The following LTBP1 variants were observed in gnomAD, a reference collection of about 807,000 sequenced individuals.
The protein encoded by LTBP1 is latent transforming growth factor beta binding protein 1, also known as latent-transforming growth factor beta-binding protein 1.
LTBP1 carries 129 observed loss-of-function variants against 207.6 expected under a neutral mutation model. That is an observed-to-expected ratio of 0.62 (90% CI 0.54 to 0.72). The LOEUF (loss-of-function observed/expected upper bound fraction) is 0.72, where lower values mean the gene tolerates loss of function less well. LTBP1 is among the 30% of genes least tolerant of loss of function. The pLI, the probability that LTBP1 is intolerant of heterozygous loss-of-function variation, is 0.00. For synonymous variants in LTBP1, 963 were observed against 833.7 expected, an observed-to-expected ratio of 1.16 and a Z score of -2.67; for missense variants, 2,281 against 2,217.2, an observed-to-expected ratio of 1.03 and a Z score of -0.58.
intron 3 of LTBP1, among the ~76,000 whole-genome samples, chr2:33,073,055 G>A (rs556003285): frequency 6.6e-6 from 1 of 152,252 alleles, no homozygotes; most frequent in African/African-American, 2.4e-5. Context: ...ATGGTGTTTC[G>A]GTTGGCATTC....
intron 3 of LTBP1, among the ~76,000 whole-genome samples, chr2:33,021,874 G>T (rs59045998): frequency 0.071 from 10,832 of 152,178 alleles, 430 homozygotes; most frequent in Middle Eastern, 0.1. Flanking sequence ...CGTTCTCTGA[G>T]TTGCATTACA....
intron 5 of LTBP1, among the ~76,000 whole-genome samples, chr2:33,184,506 A>T (rs192142144): frequency 8.5e-5 from 13 of 152,292 alleles, no homozygotes; most frequent in African/African-American, 2.9e-4. Flanking sequence ...AATCTTGACC[A>T]GTTTCAAAAA....
intron 2 of LTBP1, among the ~76,000 whole-genome samples, chr2:33,004,893 G>A (rs191872976): frequency 6.7e-6 from 1 of 149,926 alleles, no homozygotes; most frequent in East Asian, 2.0e-4. Context: ...TGGTAACTTG[G>A]CCAGGAAATC....
intron 2 of LTBP1, among the ~76,000 whole-genome samples, chr2:32,954,366 G>A (rs1030673742): frequency 3.3e-5 from 5 of 152,180 alleles, no homozygotes; most frequent in African/African-American, 1.2e-4. Context: ...GAAGTCCAAT[G>A]TCAAGGTGTT....
At chr2:33,362,907 G>A (rs2094942877) in intron 28 of LTBP1, among the ~76,000 whole-genome samples, 1 of 152,044 alleles carries the variant, frequency 6.6e-6, no homozygotes, top group African/African-American at 2.4e-5. Flanking sequence ...ATTCTGTGGG[G>A]GAATGGGTCT....
At chr2:33,177,156 G>C (rs1483028350) in intron 5 of LTBP1, among the ~76,000 whole-genome samples, 1 of 152,140 alleles carries the variant, frequency 6.6e-6, no homozygotes, top group Admixed American at 6.5e-5. Context: ...TCTATGCTCT[G>C]TATTCTCCCC....
At chr2:32,948,756 T>G in intron 1 of LTBP1, 119 bp from the exon 2 acceptor site, 1 of 928,430 alleles carries the variant, frequency 1.1e-6, no homozygotes, top group Non-Finnish European at 1.8e-6. Context: ...GTTAGGACTC[T>G]CTCTCATCCA....
chr2:33,125,976 T>C (rs934263629), intron 4 of LTBP1, among the ~76,000 whole-genome samples: 1 of 152,182 alleles, frequency 6.6e-6, no homozygotes, highest in African/African-American at 2.4e-5. Flanking sequence ...AGGGTATCAG[T>C]AAGAGCTGCA....
In LTBP1 at chr2:32,965,268, T is replaced by A. The variant is rs554859793; in HGVS notation, c.565+16323T>A. On this transcript the variant is annotated intron_variant, in intron 2 of 33. Coordinates refer to ENST00000404816, the MANE Select transcript of LTBP1 (RefSeq NM_206943.4). ...ATTCCTATATACCTTTGACCCCACA[T>A]ACACACAACCTCTCCCACCATCAAA... Among the ~76,000 whole-genome samples the A allele has an allele frequency of 1.1e-4, 16 of 152,204 alleles. No homozygotes were observed. The South Asian group carries it at 3.3e-3, about 32-fold the overall frequency.
intron 3 of LTBP1, among the ~76,000 whole-genome samples, chr2:33,090,404 C>T (rs553941161): frequency 8.5e-5 from 13 of 152,260 alleles, no homozygotes; most frequent in East Asian, 1.9e-4. Flanking sequence ...AATCTGTCTT[C>T]GCGCTTGTGA....
chr2:32,948,137 G>A (rs969588003), intron 1 of LTBP1, among the ~76,000 whole-genome samples: 1 of 152,218 alleles, frequency 6.6e-6, no homozygotes, highest in African/African-American at 2.4e-5. Flanking sequence ...TAAACTTGAG[G>A]TCACTACAGT....
chr2:33,288,973 A>C (rs2148763446), intron 19 of LTBP1, among the ~76,000 whole-genome samples: 1 of 152,354 alleles, frequency 6.6e-6, no homozygotes, highest in East Asian at 1.9e-4. Context: ...ATGAGATGAA[A>C]CATTTTAAAA....
intron 7 of LTBP1, among the ~76,000 whole-genome samples, chr2:33,215,716 G>GTTTTTTTTT (rs1287189048): frequency 1.4e-5 from 2 of 139,050 alleles, no homozygotes; most frequent in African/African-American, 5.4e-5. Flanking sequence ...GTTTTCTTTT[G>GTTTTTTTTT]TTTTTTGTTT....
chr2:33,284,755 TAGTTCCCTGAATTTAGAC>T (rs569720507), intron 19 of LTBP1, among the ~76,000 whole-genome samples: 104 of 152,322 alleles, frequency 6.8e-4, no homozygotes, highest in African/African-American at 2.3e-3. Context: ...GTAGAGATCT[TAGTTCCCTGAATTTAGAC>T]AGAGTTTGGG....
Position 33,398,174 on chromosome 2 carries a change from C to T in LTBP1, c.4985-190C>T, listed in dbSNP as rs117761459. ...TTGCTAGATAACAGTGAAAGAAGTT[C>T]TAGAACCTCCCTGATAATCTGCCTC... On this transcript the variant is annotated intron_variant, in intron 33 of 33. Coordinates refer to ENST00000404816, the MANE Select transcript of LTBP1 (RefSeq NM_206943.4). Among the ~76,000 whole-genome samples the T allele has an allele frequency of 1.9e-3, 285 of 152,322 alleles. 12 individuals carry two copies. The East Asian group carries it at 0.046, about 25-fold the overall frequency.
chr2:32,968,061 G>A (rs1417644325), intron 2 of LTBP1, among the ~76,000 whole-genome samples: 2 of 152,176 alleles, frequency 1.3e-5, no homozygotes, highest in African/African-American at 4.8e-5. Flanking sequence ...TCTGTCTCCT[G>A]GTTTCAGGTG....
intron 4 of LTBP1, among the ~76,000 whole-genome samples, chr2:33,127,754 C>T (rs1367460484): frequency 6.6e-6 from 1 of 152,108 alleles, no homozygotes; most frequent in African/African-American, 2.4e-5. Context: ...TTGGTTGTGC[C>T]TAGGTCAGTG....
At chr2:33,349,608 C>G (rs1479762343) in intron 26 of LTBP1, among the ~76,000 whole-genome samples, 1 of 152,070 alleles carries the variant, frequency 6.6e-6, no homozygotes, top group East Asian at 1.9e-4. Context: ...GAATCTAAAG[C>G]CTTTTTCAAA....
intron 2 of LTBP1, among the ~76,000 whole-genome samples, chr2:33,013,711 T>C (rs1687978833): frequency 6.6e-6 from 1 of 152,216 alleles, no homozygotes; most frequent in Non-Finnish European, 1.5e-5. Context: ...TTTACAACTA[T>C]TGACGGTATT....
Sources: gnomAD v4.1 joint callset for allele counts (sites outside exome capture counted in the v4.1 genomes callset) on GRCh38, gnomAD v4.1.1 for gene constraint, MANE v1.5 for transcripts, NCBI Gene and HGNC (gene_info 2026-07-23, HGNC 2026-07-21) for gene names.